IGF1R: variants seen among roughly 807,000 people sequenced by gnomAD.
IGF1R encodes insulin like growth factor 1 receptor, also known as insulin-like growth factor 1 receptor.
In IGF1R, 44 loss-of-function variants were observed where a neutral mutation model predicts 144.6. The observed-to-expected ratio is 0.30, with a 90% confidence interval of 0.24 to 0.39. IGF1R has a LOEUF of 0.39. Ranked by LOEUF, IGF1R falls within the 10% of genes least tolerant of loss-of-function variation. The probability of loss-of-function intolerance (pLI) is 1.00; values close to 1 mark genes in which losing one functional copy is unlikely to be tolerated. For missense variants in IGF1R, 1,355 were observed against 1,833.7 expected (o/e 0.74, Z 4.77); for synonymous variants, 795 against 722.8 (o/e 1.10, Z -1.60).
chr15:98,889,665 A>G (rs1209674128), intron 2 of IGF1R, among the ~76,000 whole-genome samples: 1 of 152,220 alleles, frequency 6.6e-6, no homozygotes, highest in African/African-American at 2.4e-5. Flanking sequence ...GTCCATGCAC[A>G]TACATAAGAA....
At chr15:98,924,740 G>T (rs1170974762) in intron 13 of IGF1R, 56 bp downstream of exon 13, 1 of 1,472,144 alleles carries the variant, frequency 6.8e-7, no homozygotes, top group East Asian at 2.3e-5. Context: ...GGTGGTCCAG[G>T]ATCAGGACAG....
intron 2 of IGF1R, among the ~76,000 whole-genome samples, chr15:98,774,135 G>A (rs2055655414): frequency 1.3e-5 from 2 of 152,200 alleles, no homozygotes; most frequent in Non-Finnish European, 2.9e-5. Context: ...GAGGATCTTA[G>A]AAGCGGGGGA....
intron 2 of IGF1R, among the ~76,000 whole-genome samples, chr15:98,887,319 G>A (rs951778034): frequency 1.3e-5 from 2 of 149,064 alleles, no homozygotes; most frequent in African/African-American, 4.9e-5. Flanking sequence ...TACTTTGTCA[G>A]TTTTTTTTTT....
intron 2 of IGF1R, among the ~76,000 whole-genome samples, chr15:98,758,634 G>A (rs2055217580): frequency 6.6e-6 from 1 of 152,186 alleles, no homozygotes; most frequent in African/African-American, 2.4e-5. Flanking sequence ...AGGGTGCAGG[G>A]CCTTCTTCCC....
rs948990540 is a variant in IGF1R, at chr15:98,674,096, C to T, written c.94+24421C>T. ...GAATCTGTGTCTTTAAAAGTCATAGCGATAAAGTCTCAGCTTTTTGAGAGA... is the reference window on the plus strand; with the variant it reads ...GAATCTGTGTCTTTAAAAGTCATAGTGATAAAGTCTCAGCTTTTTGAGAGA... On this transcript the variant is annotated intron_variant, in intron 1 of 20. Coordinates refer to ENST00000650285, the MANE Select transcript of IGF1R (RefSeq NM_000875.5). 2.7e-5 allele frequency among the ~76,000 whole-genome samples: 4 copies of T among 150,442 alleles called. No homozygotes were observed. In the East Asian group the frequency reaches 6.0e-4, roughly 23 times the overall value.
chr15:98,779,253 T>C (rs1292994886), intron 2 of IGF1R, among the ~76,000 whole-genome samples: 2 of 152,238 alleles, frequency 1.3e-5, no homozygotes, highest in Non-Finnish European at 2.9e-5. Context: ...CAAGTGACTG[T>C]GTAGCAGCAA....
At chr15:98,952,561 C>G (rs1177557172) in intron 20 of IGF1R, among the ~76,000 whole-genome samples, 2 of 152,142 alleles carry the variant, frequency 1.3e-5, no homozygotes, top group African/African-American at 4.8e-5. Flanking sequence ...GGTGTGAGTT[C>G]TGCTTCTGTG....
chr15:98,754,320 T>TA (rs2055094206), intron 2 of IGF1R, among the ~76,000 whole-genome samples: 1 of 152,240 alleles, frequency 6.6e-6, no homozygotes, highest in African/African-American at 2.4e-5. Context: ...TAGAGGGCTC[T>TA]ACTAGTGCTT....
At chr15:98,693,964 T>G (rs952038003) in intron 1 of IGF1R, among the ~76,000 whole-genome samples, 4 of 152,182 alleles carry the variant, frequency 2.6e-5, no homozygotes, top group Non-Finnish European at 5.9e-5. Context: ...AAGGCTGTAC[T>G]TGTGCTATCC....
At chr15:98,881,651 G>C (rs1032207851) in intron 2 of IGF1R, among the ~76,000 whole-genome samples, 3 of 152,152 alleles carry the variant, frequency 2.0e-5, no homozygotes, top group African/African-American at 7.2e-5. Context: ...ATAGAAACAT[G>C]CTGCAACCAC....
At chr15:98,921,978 G>A (rs1209183148) in intron 10 of IGF1R, among the ~76,000 whole-genome samples, 170 bp from the exon 11 acceptor site, 1 of 152,180 alleles carries the variant, frequency 6.6e-6, no homozygotes, top group Non-Finnish European at 1.5e-5. Flanking sequence ...AGTAGAGAAA[G>A]CAAGATAATG....
At chr15:98,927,245 T>A (rs2015757891) in intron 13 of IGF1R, among the ~76,000 whole-genome samples, 1 of 152,204 alleles carries the variant, frequency 6.6e-6, no homozygotes, top group Admixed American at 6.5e-5. Flanking sequence ...TTTCCTTATG[T>A]CAGACAAGAC....
chr15:98,957,673 A>G lies in IGF1R; in HGVS notation c.*231A>G, dbSNP rs914688216. 2 of 595,806 alleles carry G rather than the reference A, an allele frequency of 3.4e-6. No individual in the cohort carries two copies. Among genetic ancestry groups the G allele is most frequent in the East Asian group, 2.8e-5 (1 of 35,546 alleles). The allele number at this position is 595,806 out of a possible 1,614,324, so 36.9% of individuals were successfully genotyped here. On this transcript the variant is annotated 3_prime_UTR_variant, in exon 21 of 21. Coordinates refer to ENST00000650285, the MANE Select transcript of IGF1R (RefSeq NM_000875.5). ...TTCCCTGCCCAAACCCTTAACTGAC[A>G]TGGGCCTTTAAGAACCTTAATGACA...
At chr15:98,877,489 C>CTTTTTTT (rs5814908) in intron 2 of IGF1R, among the ~76,000 whole-genome samples, 8 of 85,576 alleles carry the variant, frequency 9.3e-5, no homozygotes, top group African/African-American at 3.8e-4. Context: ...CACTAGCAGC[C>CTTTTTTT]TTTTTTTTTT....
At chr15:98,817,631 G>C (rs571066882) in intron 2 of IGF1R, among the ~76,000 whole-genome samples, 1 of 152,166 alleles carries the variant, frequency 6.6e-6, no homozygotes, top group Non-Finnish European at 1.5e-5. Context: ...GACCAGCAAG[G>C]CTGGAACTTG....
intron 2 of IGF1R, 145 bp downstream of exon 2, chr15:98,708,252 G>T: frequency 1.3e-6 from 1 of 763,584 alleles, no homozygotes; most frequent in Non-Finnish European, 2.3e-6. Context: ...CTGCTGTGCG[G>T]AAGTGGTTCC....
At chr15:98,739,981 C>T (rs1167302804) in intron 2 of IGF1R, among the ~76,000 whole-genome samples, 2 of 151,470 alleles carry the variant, frequency 1.3e-5, no homozygotes, top group East Asian at 3.9e-4. Flanking sequence ...AGTCTCCTCT[C>T]CAGTGTACAT....
At position 98,963,999 on chromosome 15, in the gene IGF1R, TG is replaced by T. The variant is rs2017328699; in HGVS notation, c.*6559del. 1 of 233,162 alleles carries T rather than the reference TG, an allele frequency of 4.3e-6. No individual in the cohort carries two copies. Among genetic ancestry groups the T allele is most frequent in the South Asian group, 1.8e-4 (1 of 5,526 alleles). 14.4% of individuals were successfully genotyped at this position (233,162 alleles called of 1,614,324 possible). A position where few individuals can be genotyped will look rare whatever the true frequency, so the allele number is the denominator to read the frequency against. On this transcript the variant is annotated 3_prime_UTR_variant, in exon 21 of 21. Transcript: ENST00000650285. ...GTTTTCAACTTTTCATTTGGATGTT[TG>T]GCGTTGCACACACACATCCACCGGT...
chr15:98,952,767 G>GT (rs1860393969), intron 20 of IGF1R: 1 of 152,200 alleles, frequency 6.6e-6, no homozygotes, highest in Admixed American at 6.5e-5. Flanking sequence ...TCAGCATAGA[G>GT]TGACAAGGAA....
Sources: gnomAD v4.1 joint callset for allele counts (sites outside exome capture counted in the v4.1 genomes callset) on GRCh38, gnomAD v4.1.1 for gene constraint, MANE v1.5 for transcripts, NCBI Gene and HGNC (gene_info 2026-07-23, HGNC 2026-07-21) for gene names.